The following ART3 variants were observed in gnomAD, a reference collection of about 807,000 sequenced individuals.
ART3 encodes ADP-ribosyltransferase 3 (inactive).
A neutral mutation model predicts 48.5 loss-of-function variants in ART3; 49 were observed. The observed-to-expected ratio is 1.01, with a 90% CI of 0.80 to 1.28. The LOEUF is 1.28. ART3 is among the 50% of genes most tolerant of loss of function. ART3 has a pLI of 0.00. For synonymous variants in ART3, 145 were observed against 157.2 expected (o/e 0.92, Z 0.58); for missense variants, 438 against 454.3 (o/e 0.96, Z 0.33).
At chr4:76,062,210 T>G (rs1459345011) in intron 1 of ART3, among the ~76,000 whole-genome samples, 1 of 152,230 alleles carries the variant, frequency 6.6e-6, no homozygotes, top group Admixed American at 6.5e-5. Context: ...CTTCCTATTT[T>G]TTAAAAGCTA....
chr4:76,022,602 T>C lies in ART3; in HGVS notation c.-10+11282T>C, dbSNP rs1732960871. On this transcript the variant is annotated intron_variant, in intron 1 of 9. Coordinates refer to the ART3 transcript ENST00000341029. ...TTAGTTTTAGAATCATCACAAACCCTTTACTGATCTTTTTTTATTATCATT... is the reference window on the plus strand; with the variant it reads ...TTAGTTTTAGAATCATCACAAACCCCTTACTGATCTTTTTTTATTATCATT... 3.5e-6 allele frequency: 5 copies of C among 1,442,340 alleles called. No individual in the cohort carries two copies. In the East Asian group the frequency reaches 1.3e-4, roughly 37 times the overall value. 89.3% of individuals were successfully genotyped at this position (1,442,340 alleles called of 1,614,324 possible).
intron 1 of ART3, among the ~76,000 whole-genome samples, chr4:76,026,422 T>C (rs1733390970): frequency 6.6e-6 from 1 of 152,248 alleles, no homozygotes; most frequent in African/African-American, 2.4e-5. Flanking sequence ...GAATGAATCT[T>C]TACAGACTTT....
At chr4:76,103,821 C>A (rs1727857301) in intron 8 of ART3, 116 bp from the exon 9 acceptor site, 2 of 918,314 alleles carry the variant, frequency 2.2e-6, no homozygotes, top group African/African-American at 1.7e-5. Context: ...TTTTTTCTTT[C>A]CCCCTGCCTT....
chr4:76,044,689 C>T (rs1238747959), intron 1 of ART3, among the ~76,000 whole-genome samples: 1 of 151,916 alleles, frequency 6.6e-6, no homozygotes, highest in Non-Finnish European at 1.5e-5. Flanking sequence ...GTTTCTGACA[C>T]CCTCTTTAAC....
At chr4:76,053,424 A>C (rs907023442) in intron 1 of ART3, among the ~76,000 whole-genome samples, 5 of 151,502 alleles carry the variant, frequency 3.3e-5, no homozygotes, top group African/African-American at 1.2e-4. Flanking sequence ...CTAAAAAAAA[A>C]CTAGCTATTA....
chr4:76,084,860 G>A (rs1158402777), intron 3 of ART3, among the ~76,000 whole-genome samples: 2 of 152,200 alleles, frequency 1.3e-5, no homozygotes, highest in Non-Finnish European at 2.9e-5. Flanking sequence ...CCTGAATGTG[G>A]TGTGACATAC....
intron 3 of ART3, among the ~76,000 whole-genome samples, chr4:76,094,514 T>C (rs1725592505): frequency 6.6e-6 from 1 of 152,220 alleles, no homozygotes; most frequent in Non-Finnish European, 1.5e-5. Context: ...CATAGTTAAT[T>C]TACTTTAGAA....
intron 11 of ART3, 45 bp downstream of exon 11, chr4:76,107,838 T>C: frequency 7.1e-7 from 1 of 1,415,886 alleles, no homozygotes; most frequent in Non-Finnish European, 9.6e-7. Flanking sequence ...CCTGCTTCTG[T>C]AATATAGAAA....
chr4:76,023,285 A>T, intron 1 of ART3: 1 of 1,076,336 alleles, frequency 9.3e-7, no homozygotes, highest in Non-Finnish European at 1.4e-6. Context: ...TGAAACTTTT[A>T]CAAATACATT....
chr4:76,094,899 G>A (rs914106888), intron 3 of ART3, among the ~76,000 whole-genome samples: 1 of 152,052 alleles, frequency 6.6e-6, no homozygotes, highest in Non-Finnish European at 1.5e-5. Flanking sequence ...ACTACTTAAG[G>A]GTTGGTAAGT....
rs527489329 is a variant in ART3 at position 76,080,264 on chromosome 4, C to T, written c.70-1560C>T. 7.2e-4 allele frequency among the ~76,000 whole-genome samples: 110 copies of T among 152,196 alleles called. 1 individual carries two copies. Among genetic ancestry groups the T allele is most frequent in the South Asian group, 3.7e-3 (18 of 4,820 alleles). Reference sequence around the variant, plus strand: ...GGTGTGTAGGATTCAAAGATAAAAACGATACAGACCGTACCCTTAAGGATC... The same window carrying T: ...GGTGTGTAGGATTCAAAGATAAAAATGATACAGACCGTACCCTTAAGGATC... On this transcript the variant is annotated intron_variant, in intron 2 of 11. Transcript: ENST00000355810.
At chr4:76,098,217 A>T (rs1454343108) in intron 4 of ART3, among the ~76,000 whole-genome samples, 1 of 146,194 alleles carries the variant, frequency 6.8e-6, no homozygotes, top group South Asian at 2.2e-4. Context: ...AAAAAAAAAA[A>T]TCTTTCTTAG....
At chr4:76,049,641 C>G (rs968459100) in intron 1 of ART3, among the ~76,000 whole-genome samples, 3 of 89,274 alleles carry the variant, frequency 3.4e-5, no homozygotes, top group Non-Finnish European at 6.4e-5. Flanking sequence ...ATTTAGCCCC[C>G]GAAATTTTAA....
intron 11 of ART3, among the ~76,000 whole-genome samples, chr4:76,111,287 C>G (rs1407579395): frequency 6.6e-6 from 1 of 152,094 alleles, no homozygotes; most frequent in Admixed American, 6.5e-5. Flanking sequence ...CCATAGGACT[C>G]AAAGGAAGTG....
chr4:76,045,295 G>T (rs983331409), intron 1 of ART3, among the ~76,000 whole-genome samples: 3 of 152,054 alleles, frequency 2.0e-5, no homozygotes. Flanking sequence ...TGGGAGAAAA[G>T]TGGCAGGGTT....
intron 1 of ART3, among the ~76,000 whole-genome samples, chr4:76,027,114 G>A (rs192379085): frequency 1.3e-5 from 2 of 152,074 alleles, no homozygotes; most frequent in Non-Finnish European, 2.9e-5. Flanking sequence ...TTGGCTGGGC[G>A]TGGTGGTGGG....
At chr4:76,099,411 C>G (rs1346473952) in intron 5 of ART3, 1 of 191,922 alleles carries the variant, frequency 5.2e-6, no homozygotes, top group Non-Finnish European at 1.1e-5. Context: ...GTGACTTGGC[C>G]TATATGAGAG....
rs561280543 is a variant in ART3, at chr4:76,015,627, AG to A, written c.-10+4309del. ...TGGCCTAATGAGCTTATATGTATAA[AG>A]GTTTGATTTGCTTTGGTTTGTTGAG... is the stretch of plus-strand genomic sequence containing the variant. On this transcript the variant is annotated intron_variant, in intron 1 of 9. Coordinates refer to the ART3 transcript ENST00000341029. Among the ~76,000 whole-genome samples, 8 of 152,294 alleles carry A rather than the reference AG, an allele frequency of 5.3e-5. No homozygotes were observed. In the South Asian group the frequency reaches 1.7e-3, roughly 32 times the overall value.
intron 3 of ART3, among the ~76,000 whole-genome samples, chr4:76,095,890 G>A (rs556856615): frequency 2.2e-4 from 34 of 152,010 alleles, no homozygotes; most frequent in Non-Finnish European, 4.9e-4. Flanking sequence ...CTCTGGATGA[G>A]GCTTGTACTC....
Sources: allele counts gnomAD v4.1 joint callset (sites outside exome capture counted in the v4.1 genomes callset), GRCh38; gene constraint gnomAD v4.1.1; transcripts MANE v1.5; gene names NCBI Gene and HGNC (gene_info 2026-07-23, HGNC 2026-07-21).